OPCML: variants seen among roughly 807,000 people sequenced by gnomAD.
OPCML encodes opioid-binding protein/cell adhesion molecule.
In OPCML, 13 loss-of-function variants were observed where a neutral mutation model predicts 37.8. The observed-to-expected ratio is 0.34, with a 90% CI of 0.22 to 0.55. The LOEUF (loss-of-function observed/expected upper bound fraction) is 0.55. OPCML is among the 20% of genes least tolerant of loss of function. The pLI, the probability that OPCML is intolerant of heterozygous loss-of-function variation, is 0.91. For synonymous variants in OPCML, 176 were observed against 168.8 expected, an observed-to-expected ratio of 1.04 and a Z score of -0.33; for missense variants, 341 against 435.6, an observed-to-expected ratio of 0.78 and a Z score of 1.93.
chr11:133,424,802 C>T (rs2136902845), intron 1 of OPCML, among the ~76,000 whole-genome samples: 1 of 152,300 alleles, frequency 6.6e-6, no homozygotes, highest in East Asian at 1.9e-4. Context: ...CTTAATTAAA[C>T]TTTGCAAAAC....
Position 133,030,082 on chromosome 11 carries a change from T to C in OPCML, c.62-87072A>G, listed in dbSNP as rs190394725. 9.9e-5 allele frequency among the ~76,000 whole-genome samples: 15 copies of C among 152,238 alleles called. No individual in the cohort carries two copies. In the East Asian group the frequency reaches 2.9e-3, roughly 30 times the overall value. On this transcript the variant is annotated intron_variant, in intron 1 of 7. Coordinates refer to ENST00000524381, the MANE Select transcript of OPCML (RefSeq NM_001012393.5). ...ATCCCCTCAACACAAGGAGTGGATC[T>C]GGGGAGAAATGCCCTCTTCTGGCCA...
At chr11:132,881,799 AGTGCTGAAAAGTTGT>A (rs1943234805) in intron 2 of OPCML, among the ~76,000 whole-genome samples, 1 of 152,194 alleles carries the variant, frequency 6.6e-6, no homozygotes, top group African/African-American at 2.4e-5. Context: ...TTGCATTTGT[AGTGCTGAAAAGTTGT>A]GTTCACAGAT....
At chr11:132,587,332 AT>A (rs1462653847) in intron 3 of OPCML, among the ~76,000 whole-genome samples, 1 of 152,218 alleles carries the variant, frequency 6.6e-6, no homozygotes, top group East Asian at 1.9e-4. Flanking sequence ...CAGACATCAA[AT>A]GACTGTAGTC....
intron 3 of OPCML, among the ~76,000 whole-genome samples, chr11:132,599,178 A>C (rs11223141): frequency 6.6e-6 from 1 of 152,012 alleles, no homozygotes; most frequent in African/African-American, 2.4e-5. Context: ...ACTCGGGAAC[A>C]AGTATTCTGT....
intron 2 of OPCML, among the ~76,000 whole-genome samples, chr11:132,864,595 A>G (rs762587994): frequency 2.4e-4 from 37 of 152,368 alleles, no homozygotes; most frequent in Non-Finnish European, 4.7e-4. Flanking sequence ...GCCATTGGTC[A>G]TCTATAAATT....
At chr11:133,234,159 T>A (rs1940409882) in intron 1 of OPCML, among the ~76,000 whole-genome samples, 1 of 152,118 alleles carries the variant, frequency 6.6e-6, no homozygotes, top group Admixed American at 6.5e-5. Context: ...GATGGAAACT[T>A]ATAATTGCTT....
chr11:132,611,181 C>A (rs554012459), intron 3 of OPCML, among the ~76,000 whole-genome samples: 1 of 152,238 alleles, frequency 6.6e-6, no homozygotes, highest in African/African-American at 2.4e-5. Flanking sequence ...CCATTTCTAA[C>A]GATGTTGTAT....
chr11:133,391,161 G>A (rs1456989987), intron 1 of OPCML, among the ~76,000 whole-genome samples: 4 of 152,170 alleles, frequency 2.6e-5, no homozygotes, highest in African/African-American at 9.7e-5. Context: ...GGTTTAATGC[G>A]AAGACACGGC....
At chr11:133,195,036 T>C (rs1033036620) in intron 1 of OPCML, among the ~76,000 whole-genome samples, 2 of 152,242 alleles carry the variant, frequency 1.3e-5, no homozygotes, top group African/African-American at 4.8e-5. Context: ...ATTGATTTAC[T>C]TCTTTCTGGT....
intron 1 of OPCML, among the ~76,000 whole-genome samples, chr11:133,222,706 T>C (rs944225262): frequency 6.6e-6 from 1 of 152,100 alleles, no homozygotes; most frequent in African/African-American, 2.4e-5. Context: ...TTCAGCATAA[T>C]TTATTTTGGA....
intron 3 of OPCML, among the ~76,000 whole-genome samples, chr11:132,607,231 AC>A (rs1183947720): frequency 6.6e-6 from 1 of 152,144 alleles, no homozygotes; most frequent in African/African-American, 2.4e-5. Context: ...AGTCAACTGG[AC>A]CCCTTAGCCT....
intron 1 of OPCML, among the ~76,000 whole-genome samples, chr11:133,127,557 C>T (rs979886723): frequency 1.3e-5 from 2 of 151,264 alleles, no homozygotes; most frequent in East Asian, 2.0e-4. Context: ...CACTTGAGCC[C>T]GGGAGGTGGA....
intron 2 of OPCML, among the ~76,000 whole-genome samples, chr11:132,848,318 A>G (rs1000608503): frequency 9.2e-5 from 14 of 152,298 alleles, no homozygotes; most frequent in Middle Eastern, 3.4e-3. Context: ...ACAATCCTAG[A>G]AAGGTGATGG....
At chr11:133,391,657 G>T (rs1945176469) in intron 1 of OPCML, among the ~76,000 whole-genome samples, 1 of 152,094 alleles carries the variant, frequency 6.6e-6, no homozygotes, top group Non-Finnish European at 1.5e-5. Flanking sequence ...AATAAGCCTA[G>T]AAGCTACAGA....
intron 2 of OPCML, among the ~76,000 whole-genome samples, chr11:132,936,644 C>T (rs10894624): frequency 0.14 from 21,190 of 152,012 alleles, 1,755 homozygotes; most frequent in Admixed American, 0.21. Flanking sequence ...ACTTCTCTAC[C>T]GGGAAAGCCA....
At chr11:133,447,163 A>T (rs1946489322) in intron 1 of OPCML, among the ~76,000 whole-genome samples, 1 of 152,222 alleles carries the variant, frequency 6.6e-6, no homozygotes, top group African/African-American at 2.4e-5. Context: ...CTAGCAATGT[A>T]TGAGAGTTCC....
chr11:132,474,067 A>C (rs1565592530), intron 4 of OPCML, among the ~76,000 whole-genome samples: 1 of 152,106 alleles, frequency 6.6e-6, no homozygotes, highest in Non-Finnish European at 1.5e-5. Flanking sequence ...ACTTCAGCTG[A>C]TGGAGAGGAG....
At chr11:133,198,483 A>G (rs1938625848) in intron 1 of OPCML, among the ~76,000 whole-genome samples, 1 of 152,264 alleles carries the variant, frequency 6.6e-6, no homozygotes, top group Non-Finnish European at 1.5e-5. Flanking sequence ...AGGAGACTGT[A>G]CAAACCAAGA....
chr11:133,421,637 C>T, intron 1 of OPCML: 1 of 985,408 alleles, frequency 1.0e-6, no homozygotes, highest in Non-Finnish European at 1.2e-6. Context: ...GTCATTCACT[C>T]TTATTTTGTT....
Sources: gnomAD v4.1 joint callset for allele counts (sites outside exome capture counted in the v4.1 genomes callset) on GRCh38, gnomAD v4.1.1 for gene constraint, MANE v1.5 for transcripts, NCBI Gene and HGNC (gene_info 2026-07-23, HGNC 2026-07-21) for gene names.